BCL2L13: variants seen among roughly 807,000 people sequenced by gnomAD.
BCL2L13 encodes the protein bcl-2-like protein 13.
BCL2L13 carries 13 observed loss-of-function variants against 25.8 expected under a neutral mutation model. The observed-to-expected ratio is 0.50, with a 90% CI of 0.33 to 0.80. The LOEUF is 0.80. Ranked by LOEUF, BCL2L13 falls within the 30% of genes least tolerant of loss-of-function variation. The probability of loss-of-function intolerance (pLI) is 0.02; values close to 1 mark genes in which losing one functional copy is unlikely to be tolerated. For synonymous variants in BCL2L13, 244 were observed against 230.3 expected, an observed-to-expected ratio of 1.06 and a Z score of -0.54; for missense variants, 504 against 574.9, an observed-to-expected ratio of 0.88 and a Z score of 1.26.
intron 6 of BCL2L13, among the ~76,000 whole-genome samples, chr22:17,718,813 C>T (rs564619169): frequency 3.0e-4 from 46 of 152,270 alleles, no homozygotes; most frequent in African/African-American, 1.0e-3. Flanking sequence ...AACCCAATTA[C>T]AAGCACCTTG....
intron 1 of BCL2L13, among the ~76,000 whole-genome samples, chr22:17,651,337 T>A (rs2058677976): frequency 6.6e-6 from 1 of 151,250 alleles, no homozygotes; most frequent in African/African-American, 2.4e-5. Flanking sequence ...TTATACAGAA[T>A]ACTTAGAATT....
Position 17,727,818 on chromosome 22 carries a change from T to G in BCL2L13, c.*284T>G. On this transcript the variant is annotated 3_prime_UTR_variant, in exon 7 of 7. Coordinates refer to ENST00000317582, the MANE Select transcript of BCL2L13 (RefSeq NM_015367.4). ...TTCTCAGCCTTGGCACTAGTGCTGT[T>G]CTGACCATTCTCTGTGTTGGGGCTG... The G allele has an allele frequency of 2.2e-6, 1 of 459,882 alleles. No homozygotes were observed. The highest frequency in any genetic ancestry group is 4.0e-6 in the Non-Finnish European group (1 of 250,502). The allele number at this position is 459,882 out of a possible 1,614,324, so 28.5% of individuals were successfully genotyped here.
At chr22:17,721,407 A>G (rs940491988) in intron 6 of BCL2L13, among the ~76,000 whole-genome samples, 30 of 152,172 alleles carry the variant, frequency 2.0e-4, no homozygotes, top group Middle Eastern at 3.4e-3. Context: ...TTATGCTGCA[A>G]AAAGCTTTAT....
At chr22:17,646,951 A>ATTTTTTTTT (rs1176648214) in intron 1 of BCL2L13, among the ~76,000 whole-genome samples, 3 of 21,892 alleles carry the variant, frequency 1.4e-4, no homozygotes, top group East Asian at 1.9e-3. Context: ...ATATATATAT[A>ATTTTTTTTT]TATATTTTTT....
At chr22:17,691,013 C>T (rs1382586852) in intron 4 of BCL2L13, among the ~76,000 whole-genome samples, 1 of 151,692 alleles carries the variant, frequency 6.6e-6, no homozygotes, top group South Asian at 2.1e-4. Context: ...ACTCTTCTTT[C>T]TTTTTTATTT....
At position 17,728,392 on chromosome 22, in the gene BCL2L13, C is replaced by G. The variant is rs538661024; in HGVS notation, c.*858C>G. On this transcript the variant is annotated 3_prime_UTR_variant, in exon 7 of 7. Coordinates refer to ENST00000317582, the MANE Select transcript of BCL2L13 (RefSeq NM_015367.4). The stretch of plus-strand genomic sequence containing the variant: ...CTTGTGAGTGCAACTGCAAGTAACT[C>G]TGGCTAGAGAGACACATGTGTCTTG... The G allele has an allele frequency of 1.3e-5, 2 of 152,346 alleles. No individual in the cohort carries two copies. The highest frequency in any genetic ancestry group is 4.1e-4 in the South Asian group (2 of 4,826). The allele number at this position is 152,346 out of a possible 1,614,324, so 9.4% of individuals were successfully genotyped here.
At chr22:17,681,498 G>GAA (rs58442419) in intron 2 of BCL2L13, among the ~76,000 whole-genome samples, 12 of 135,196 alleles carry the variant, frequency 8.9e-5, no homozygotes, top group East Asian at 2.1e-4. Context: ...GACTCCGTCT[G>GAA]AAAAAAAAAA....
At chr22:17,680,880 CTA>C (rs1318756673) in intron 2 of BCL2L13, among the ~76,000 whole-genome samples, 3 of 152,094 alleles carry the variant, frequency 2.0e-5, no homozygotes, top group Non-Finnish European at 4.4e-5. Context: ...AGGCTGCTGC[CTA>C]TAGTTTCTTC....
At chr22:17,697,765 G>A (rs1219155772) in intron 5 of BCL2L13, among the ~76,000 whole-genome samples, 1 of 151,920 alleles carries the variant, frequency 6.6e-6, no homozygotes, top group Non-Finnish European at 1.5e-5. Context: ...TATTTGCCTC[G>A]TTTGTTTTTT....
At chr22:17,700,159 G>A (rs1300078058) in intron 5 of BCL2L13, among the ~76,000 whole-genome samples, 1 of 151,968 alleles carries the variant, frequency 6.6e-6, no homozygotes, top group Non-Finnish European at 1.5e-5. Context: ...ACTGGAATAG[G>A]GAAGATCCAG....
intron 2 of BCL2L13, among the ~76,000 whole-genome samples, chr22:17,663,169 CCTT>C (rs2059127119): frequency 6.6e-6 from 1 of 152,160 alleles, no homozygotes; most frequent in Non-Finnish European, 1.5e-5. Flanking sequence ...TTGCATCTGT[CCTT>C]CTTAAATGTT....
intron 5 of BCL2L13, among the ~76,000 whole-genome samples, chr22:17,696,627 C>T (rs1601700999): frequency 6.6e-6 from 1 of 152,130 alleles, no homozygotes; most frequent in African/African-American, 2.4e-5. Flanking sequence ...TGTCTCGTGT[C>T]ACATACCATT....
intron 4 of BCL2L13, chr22:17,692,437 G>A (rs541376517): frequency 6.6e-6 from 1 of 152,320 alleles, no homozygotes; most frequent in East Asian, 1.9e-4. Flanking sequence ...AACAGTTCAG[G>A]AAAGGAAGTG....
chr22:17,678,912 C>T (rs1258452092), intron 2 of BCL2L13, among the ~76,000 whole-genome samples: 2 of 152,162 alleles, frequency 1.3e-5, no homozygotes, highest in African/African-American at 2.4e-5. Context: ...GGTTTTTCTG[C>T]TGAAATTCTT....
chr22:17,640,673 A>G (rs950608775), intron 1 of BCL2L13, among the ~76,000 whole-genome samples: 2 of 150,502 alleles, frequency 1.3e-5, no homozygotes, highest in Non-Finnish European at 3.0e-5. Context: ...CCTGGGCAAC[A>G]TAAGGAGACC....
At chr22:17,726,212 G>A (rs56020356) in intron 6 of BCL2L13, among the ~76,000 whole-genome samples, 2,254 of 152,220 alleles carry the variant, frequency 0.015, 58 homozygotes, top group African/African-American at 0.051. Flanking sequence ...TTAACTGGGC[G>A]TGGTGGCAGG....
chr22:17,654,397 C>T (rs142788127), intron 1 of BCL2L13, among the ~76,000 whole-genome samples: 229 of 149,900 alleles, frequency 1.5e-3, no homozygotes, highest in African/African-American at 5.4e-3. Context: ...GCCAGCACAC[C>T]TAGCTTTTTG....
intron 6 of BCL2L13, 164 bp downstream of exon 6, chr22:17,702,550 C>T (rs2060469938): frequency 1.7e-6 from 1 of 604,086 alleles, no homozygotes; most frequent in East Asian, 3.3e-5. Flanking sequence ...CTCAAGTGAT[C>T]CTGCCTCAGG....
rs142912625 is a variant in BCL2L13, at chr22:17,688,063, C to T, written c.230-923C>T. Among the ~76,000 whole-genome samples, 1,477 of 152,200 alleles carry T rather than the reference C, an allele frequency of 9.7e-3. 31 individuals are homozygous for T. Among genetic ancestry groups the T allele is most frequent in the African/African-American group, 0.033 (1,373 of 41,520 alleles). On this transcript the variant is annotated intron_variant, in intron 3 of 6. Transcript: ENST00000317582. Reference sequence around the variant, plus strand: ...GAACTCCTGACCTCAGGTGATCTGCCCAGCCTTGGCCTCCCAAAGTGCTGG... The same window carrying T: ...GAACTCCTGACCTCAGGTGATCTGCTCAGCCTTGGCCTCCCAAAGTGCTGG...
Sources: allele counts gnomAD v4.1 joint callset (sites outside exome capture counted in the v4.1 genomes callset), GRCh38; gene constraint gnomAD v4.1.1; transcripts MANE v1.5; gene names NCBI Gene and HGNC (gene_info 2026-07-23, HGNC 2026-07-21).